ARMC8: variants seen among roughly 807,000 people sequenced by gnomAD.
ARMC8 encodes the protein armadillo repeat containing 8, also known as armadillo repeat-containing protein 8.
A neutral mutation model predicts 99.3 loss-of-function variants in ARMC8; 20 were observed. The observed-to-expected ratio is 0.20, with a 90% CI of 0.14 to 0.29. The LOEUF is 0.29. Among genes scored for constraint, ARMC8 ranks in the 10% least tolerant of loss-of-function variants. ARMC8 has a pLI of 1.00. For synonymous variants in ARMC8, 263 were observed against 278.3 expected, an observed-to-expected ratio of 0.95 and a Z score of 0.55; for missense variants, 569 against 809.5, an observed-to-expected ratio of 0.70 and a Z score of 3.60.
intron 1 of ARMC8, among the ~76,000 whole-genome samples, chr3:138,197,327 G>A (rs1476105306): frequency 6.6e-6 from 1 of 152,174 alleles, no homozygotes; most frequent in Non-Finnish European, 1.5e-5. Flanking sequence ...GGCTATTACT[G>A]CCTGTAAGAA....
intron 12 of ARMC8, chr3:138,246,908 C>T: frequency 1.2e-6 from 1 of 826,460 alleles, no homozygotes. Context: ...TGTGGTAAAG[C>T]AAAGATACTG....
intron 14 of ARMC8, among the ~76,000 whole-genome samples, chr3:138,265,072 T>A (rs1193977016): frequency 1.3e-5 from 2 of 151,940 alleles, no homozygotes; most frequent in South Asian, 2.1e-4. Flanking sequence ...TAATTTTTTT[T>A]ATTTTTTTGA....
intron 1 of ARMC8, chr3:138,188,436 TA>T: frequency 6.3e-7 from 1 of 1,597,862 alleles, no homozygotes; most frequent in Non-Finnish European, 8.5e-7. Context: ...CACCTTTCAC[TA>T]TGTTGCTCTT....
At chr3:138,266,149 C>T (rs187862520) in intron 14 of ARMC8, among the ~76,000 whole-genome samples, 5 of 152,330 alleles carry the variant, frequency 3.3e-5, no homozygotes, top group African/African-American at 4.8e-5. Flanking sequence ...TCCATTGGCA[C>T]ATCTTCCTGA....
chr3:138,210,725 A>T (rs116702508), intron 2 of ARMC8, among the ~76,000 whole-genome samples: 1,559 of 152,208 alleles, frequency 0.01, 14 homozygotes, highest in Non-Finnish European at 0.017. Flanking sequence ...TCAGCCAAAT[A>T]GTACTTTAAC....
intron 14 of ARMC8, among the ~76,000 whole-genome samples, 196 bp downstream of exon 14, chr3:138,264,408 C>CTTTCTT (rs2048053473): frequency 9.4e-6 from 1 of 105,948 alleles, no homozygotes; most frequent in Non-Finnish European, 1.9e-5. Flanking sequence ...GCCTGATTTT[C>CTTTCTT]TTTCTTTTTT....
chr3:138,235,860 C>T (rs973935532), intron 7 of ARMC8, among the ~76,000 whole-genome samples: 3 of 129,790 alleles, frequency 2.3e-5, no homozygotes, highest in African/African-American at 6.0e-5. Context: ...GGCTGGAGTG[C>T]GGTTGCACGA....
chr3:138,282,419 G>A (rs1369673626), intron 18 of ARMC8, among the ~76,000 whole-genome samples: 1 of 152,038 alleles, frequency 6.6e-6, no homozygotes, highest in Admixed American at 6.6e-5. Context: ...AGGCCAGGGC[G>A]GGTGGATCAT....
chr3:138,276,653 T>C (rs549006852), intron 18 of ARMC8, among the ~76,000 whole-genome samples: 5 of 152,068 alleles, frequency 3.3e-5, no homozygotes, highest in Non-Finnish European at 5.9e-5. Context: ...TATTGAGATA[T>C]TAAACAGTAC....
At chr3:138,213,911 G>A (rs2044852515) in intron 2 of ARMC8, among the ~76,000 whole-genome samples, 2 of 152,236 alleles carry the variant, frequency 1.3e-5, no homozygotes, top group Admixed American at 6.5e-5. Flanking sequence ...TGTAATCCCA[G>A]TACAGTGGAG....
chr3:138,289,202 T>G, intron 20 of ARMC8, 82 bp downstream of exon 20: 1 of 1,091,198 alleles, frequency 9.2e-7, no homozygotes, highest in Non-Finnish European at 1.4e-6. Flanking sequence ...GCCCCTGAGA[T>G]CCTGGGCAGA....
intron 12 of ARMC8, among the ~76,000 whole-genome samples, chr3:138,248,763 T>C (rs1381680576): frequency 6.6e-6 from 1 of 152,216 alleles, no homozygotes; most frequent in Admixed American, 6.5e-5. Flanking sequence ...TTGTTAGAAA[T>C]GTTAGTGAAA....
intron 12 of ARMC8, chr3:138,246,633 G>T: frequency 2.0e-6 from 2 of 985,640 alleles, no homozygotes; most frequent in Non-Finnish European, 2.4e-6. Flanking sequence ...GGACTGAAAG[G>T]TAGATAGACA....
chr3:138,273,035 A>G lies in ARMC8; in HGVS notation c.1548A>G (p.Leu516=), dbSNP rs746864519. 1.9e-6 allele frequency: 3 copies of G among 1,613,306 alleles called. No homozygotes were observed. The highest frequency in any genetic ancestry group is 2.7e-5 in the African/African-American group (2 of 74,928). ...DILRSLSTEQ[L]FRLLSDSDLN... The stretch of plus-strand genomic sequence containing the variant: ...TACGAAGCTTGAGTACTGAACAGCT[A>G]TTCCGGTTATTATCAGATTCAGATT... Residue 516 remains leucine (L), a synonymous_variant, in exon 17 of 22, where the codon CTA becomes CTG. Transcript: ENST00000469044.
intron 20 of ARMC8, among the ~76,000 whole-genome samples, chr3:138,289,678 G>C (rs2050759064): frequency 6.6e-6 from 1 of 152,088 alleles, no homozygotes; most frequent in Non-Finnish European, 1.5e-5. Context: ...CTCGGGGTGG[G>C]CTCCAGGCAT....
chr3:138,252,743 CCCG>C (rs2047188376), intron 12 of ARMC8, among the ~76,000 whole-genome samples: 3 of 25,878 alleles, frequency 1.2e-4, no homozygotes, highest in African/African-American at 2.5e-4. Flanking sequence ...CGTGAGCCAC[CCCG>C]CCCCCCCCCC....
At chr3:138,285,015 C>T (rs1036188585) in intron 19 of ARMC8, among the ~76,000 whole-genome samples, 1 of 152,242 alleles carries the variant, frequency 6.6e-6, no homozygotes, top group African/African-American at 2.4e-5. Flanking sequence ...CTCCACTTCT[C>T]ATTCTGTCAA....
intron 1 of ARMC8, among the ~76,000 whole-genome samples, chr3:138,199,580 A>G (rs1042550931): frequency 1.3e-5 from 2 of 152,226 alleles, no homozygotes; most frequent in African/African-American, 4.8e-5. Context: ...TGGCAGTGAA[A>G]TAGTACACAT....
chr3:138,197,960 G>A (rs2043834335), intron 1 of ARMC8, among the ~76,000 whole-genome samples: 1 of 152,198 alleles, frequency 6.6e-6, no homozygotes, highest in Admixed American at 6.5e-5. Context: ...ATTACTTTCA[G>A]TCTTGTGACC....
Sources: allele counts gnomAD v4.1 joint callset (sites outside exome capture counted in the v4.1 genomes callset), GRCh38; gene constraint gnomAD v4.1.1; transcripts MANE v1.5; gene names NCBI Gene and HGNC (gene_info 2026-07-23, HGNC 2026-07-21).